The following CDH4 variants were observed in gnomAD, a reference collection of about 807,000 sequenced individuals.
The protein encoded by CDH4 is cadherin 4.
A neutral mutation model predicts 86.0 loss-of-function variants in CDH4; 33 were observed. That is an observed-to-expected ratio of 0.38 (90% CI 0.29 to 0.51). CDH4 has a LOEUF of 0.51. Among genes scored for constraint, CDH4 ranks in the 20% least tolerant of loss-of-function variants. CDH4 has a pLI of 0.86. For synonymous variants in CDH4, 555 were observed against 549.4 expected, an observed-to-expected ratio of 1.01 and a Z score of -0.14; for missense variants, 1,114 against 1,307.4, an observed-to-expected ratio of 0.85 and a Z score of 2.28.
At chr20:61,462,618 G>A (rs902674458) in intron 2 of CDH4, among the ~76,000 whole-genome samples, 2 of 127,740 alleles carry the variant, frequency 1.6e-5, no homozygotes, top group Non-Finnish European at 3.5e-5. Context: ...TGTGCTCCCA[G>A]CTGCTCCTCC....
chr20:61,358,810 A>G (rs1484136497), intron 2 of CDH4, among the ~76,000 whole-genome samples: 1 of 151,976 alleles, frequency 6.6e-6, no homozygotes, highest in Non-Finnish European at 1.5e-5. Flanking sequence ...TGCGGGGGGG[A>G]AGGAGAGGAG....
intron 4 of CDH4, among the ~76,000 whole-genome samples, chr20:61,776,268 C>T (rs140652317): frequency 6.6e-6 from 1 of 152,342 alleles, no homozygotes; most frequent in East Asian, 1.9e-4. Context: ...GAAAGTGTGG[C>T]TGAGAGAGCA....
intron 8 of CDH4, among the ~76,000 whole-genome samples, chr20:61,898,292 C>T (rs1458700162): frequency 6.6e-6 from 1 of 152,252 alleles, no homozygotes; most frequent in Non-Finnish European, 1.5e-5. Context: ...TTTGCATGAT[C>T]CGATTCTGAG....
At chr20:61,662,711 G>A (rs1426881164) in intron 2 of CDH4, among the ~76,000 whole-genome samples, 5 of 152,196 alleles carry the variant, frequency 3.3e-5, no homozygotes, top group Non-Finnish European at 5.9e-5. Flanking sequence ...AGCTGCTCGC[G>A]TGGCCAACAC....
At chr20:61,815,419 C>T (rs775711961) in intron 4 of CDH4, among the ~76,000 whole-genome samples, 7 of 152,204 alleles carry the variant, frequency 4.6e-5, no homozygotes, top group Admixed American at 3.3e-4. Flanking sequence ...GCGGGGAAGC[C>T]GCCCGTCGCT....
rs144743532 is a variant in CDH4 at position 61,363,410 on chromosome 20, A to ATC, written c.169+108490_169+108491dup. Among the ~76,000 whole-genome samples, 143 of 150,488 alleles carry ATC rather than the reference A, an allele frequency of 9.5e-4. No individual in the cohort carries two copies. In the Middle Eastern group the frequency reaches 0.014, roughly 15 times the overall value. On this transcript the variant is annotated intron_variant, in intron 2 of 15. Transcript: ENST00000614565. ...TTGAGAGGCATAAAAGAATCTAAAT[A>ATC]TCTCTCTCTCTCTCTCTCACATACA...
At chr20:61,683,378 C>T (rs770454154) in intron 2 of CDH4, among the ~76,000 whole-genome samples, 9 of 152,212 alleles carry the variant, frequency 5.9e-5, no homozygotes, top group Non-Finnish European at 8.8e-5. Flanking sequence ...AAGTCTCCAG[C>T]AAAATCTACT....
At chr20:61,913,049 A>G (rs2054867970) in intron 9 of CDH4, among the ~76,000 whole-genome samples, 1 of 152,090 alleles carries the variant, frequency 6.6e-6, no homozygotes, top group African/African-American at 2.4e-5. Context: ...GCCTCGGCCC[A>G]TCTCCTGCTT....
chr20:61,655,208 G>A (rs370896184), intron 2 of CDH4, among the ~76,000 whole-genome samples: 1 of 152,224 alleles, frequency 6.6e-6, no homozygotes, highest in East Asian at 1.9e-4. Context: ...GAAAACGGCT[G>A]GACACACACC....
At chr20:61,674,108 T>C (rs2087419957) in intron 2 of CDH4, among the ~76,000 whole-genome samples, 1 of 152,194 alleles carries the variant, frequency 6.6e-6, no homozygotes, top group African/African-American at 2.4e-5. Context: ...AGCTTTCTTC[T>C]GCAGCCCAGA....
rs115513654 is a variant in CDH4 at position 61,804,591 on chromosome 20, C to T, written c.576+31409C>T. ...CTTACCATATGGGTTCCCCTCTGAG[C>T]ATCCCTCCTGTCTCCTCTGTGGACC... On this transcript the variant is annotated intron_variant, in intron 4 of 15. Coordinates refer to ENST00000614565, the MANE Select transcript of CDH4 (RefSeq NM_001794.5). 3.9e-3 allele frequency among the ~76,000 whole-genome samples: 592 copies of T among 152,326 alleles called. 3 individuals are homozygous for T. Among genetic ancestry groups the T allele is most frequent in the African/African-American group, 0.013 (552 of 41,574 alleles).
rs146162207 is a variant in CDH4 at position 61,925,641 on chromosome 20, G to A, written c.1771+1165G>A. ...GCTTGGCTGACAGCCCGAGTGTGTCGGCTGGAACCTGGGTCAGTGAATACT... is the reference window on the plus strand; with the variant it reads ...GCTTGGCTGACAGCCCGAGTGTGTCAGCTGGAACCTGGGTCAGTGAATACT... On this transcript the variant is annotated intron_variant, in intron 11 of 15. Coordinates refer to ENST00000614565, the MANE Select transcript of CDH4 (RefSeq NM_001794.5). 2.0e-3 allele frequency among the ~76,000 whole-genome samples: 310 copies of A among 152,298 alleles called. 1 individual carries two copies. The highest frequency in any genetic ancestry group is 8.5e-3 in the South Asian group (41 of 4,820).
intron 2 of CDH4, among the ~76,000 whole-genome samples, chr20:61,727,113 C>T (rs938265727): frequency 3.9e-5 from 6 of 151,984 alleles, no homozygotes; most frequent in Non-Finnish European, 7.4e-5. Flanking sequence ...CCATCACCAT[C>T]GTTGCCATCA....
intron 2 of CDH4, among the ~76,000 whole-genome samples, chr20:61,412,449 A>G (rs1308496414): frequency 2.0e-5 from 3 of 152,168 alleles, no homozygotes; most frequent in African/African-American, 2.4e-5. Context: ...TCAGCACCCC[A>G]CTGGTTTGAT....
At chr20:61,678,413 T>C (rs573042639) in intron 2 of CDH4, among the ~76,000 whole-genome samples, 5 of 152,152 alleles carry the variant, frequency 3.3e-5, no homozygotes, top group Non-Finnish European at 7.3e-5. Flanking sequence ...GGGTAATTGG[T>C]TCAGAATCTT....
intron 7 of CDH4, among the ~76,000 whole-genome samples, chr20:61,885,713 C>T (rs938860948): frequency 6.6e-6 from 1 of 152,206 alleles, no homozygotes. Flanking sequence ...GCCTGTTTTC[C>T]GTGGTGCCTG....
chr20:61,864,979 C>A (rs1328439405), intron 6 of CDH4, among the ~76,000 whole-genome samples: 1 of 152,148 alleles, frequency 6.6e-6, no homozygotes, highest in African/African-American at 2.4e-5. Flanking sequence ...GGCTCTGTGC[C>A]ACACCTGGGG....
chr20:61,348,269 C>T (rs2084690877), intron 2 of CDH4, among the ~76,000 whole-genome samples: 1 of 152,144 alleles, frequency 6.6e-6, no homozygotes, highest in Non-Finnish European at 1.5e-5. Context: ...GGCAAAAGAG[C>T]ATGTGCAGGG....
At chr20:61,385,167 A>AC (rs11393406) in intron 2 of CDH4, among the ~76,000 whole-genome samples, 37,436 of 151,914 alleles carry the variant, frequency 0.25, 4,996 homozygotes, top group African/African-American at 0.34. Flanking sequence ...CAGTACTCCT[A>AC]CCCTCTGCTC....
Sources: gnomAD v4.1 joint callset for allele counts (sites outside exome capture counted in the v4.1 genomes callset) on GRCh38, gnomAD v4.1.1 for gene constraint, MANE v1.5 for transcripts, NCBI Gene and HGNC (gene_info 2026-07-23, HGNC 2026-07-21) for gene names.